The following DPP10 variants were observed in gnomAD, a reference collection of about 807,000 sequenced individuals.
DPP10 encodes the protein inactive dipeptidyl peptidase 10.
DPP10 carries 33 observed loss-of-function variants against 120.9 expected under a neutral mutation model. That is an observed-to-expected ratio of 0.27 (90% CI 0.21 to 0.37). The LOEUF is 0.37. Among genes scored for constraint, DPP10 ranks in the 10% least tolerant of loss-of-function variants. DPP10 has a pLI of 1.00. For missense variants in DPP10, 816 were observed against 942.8 expected (o/e 0.87, Z 1.76); for synonymous variants, 337 against 326.1 (o/e 1.03, Z -0.36).
chr2:115,768,838 T>A lies in DPP10; in HGVS notation c.1221+434T>A, dbSNP rs575222888. On this transcript the variant is annotated intron_variant, in intron 13 of 25. Coordinates refer to ENST00000410059, the MANE Select transcript of DPP10 (RefSeq NM_020868.6). ...ATCAAAAATTGATGGTTGAATAAAT[T>A]ATGGCACATCCCCACAAGCAAATAC... 2.0e-5 allele frequency among the ~76,000 whole-genome samples: 3 copies of A among 152,154 alleles called. No homozygotes were observed. In the South Asian group the frequency reaches 6.2e-4, roughly 32 times the overall value.
At chr2:114,849,031 G>A (rs1036633566) in intron 1 of DPP10, among the ~76,000 whole-genome samples, 1 of 152,160 alleles carries the variant, frequency 6.6e-6, no homozygotes, top group African/African-American at 2.4e-5. Flanking sequence ...CCATTCATGA[G>A]AGCACTGCAA....
chr2:114,551,436 G>A (rs549861951), intron 1 of DPP10, among the ~76,000 whole-genome samples: 19 of 152,176 alleles, frequency 1.2e-4, no homozygotes, highest in Non-Finnish European at 2.6e-4. Flanking sequence ...AGAATGACAC[G>A]TGTTCTCCAA....
At chr2:115,428,377 G>A (rs2070672671) in intron 3 of DPP10, among the ~76,000 whole-genome samples, 1 of 152,098 alleles carries the variant, frequency 6.6e-6, no homozygotes, top group Non-Finnish European at 1.5e-5. Context: ...AAATACCTTA[G>A]ACCGAGTAAT....
chr2:115,566,141 G>A (rs1550985), intron 5 of DPP10, among the ~76,000 whole-genome samples: 54,405 of 151,962 alleles, frequency 0.36, 10,207 homozygotes, highest in African/African-American at 0.44. Flanking sequence ...GTTTTTCAAT[G>A]TGCAACAAAC....
In DPP10 at chr2:114,954,940, A is replaced by G. The variant is rs1471523208; in HGVS notation, c.61-354299A>G. On this transcript the variant is annotated intron_variant, in intron 1 of 25. Transcript: ENST00000410059. ...AGAAATAGAAAATCTGAACAAACCC[A>G]TAGCAAGGAGGTTGAATAAATAATA... 3.9e-5 allele frequency among the ~76,000 whole-genome samples: 6 copies of G among 152,202 alleles called. No individual in the cohort carries two copies. The East Asian group carries it at 9.6e-4, about 24-fold the overall frequency.
At chr2:115,120,360 G>A (rs1449127506) in intron 1 of DPP10, among the ~76,000 whole-genome samples, 1 of 152,130 alleles carries the variant, frequency 6.6e-6, no homozygotes, top group Non-Finnish European at 1.5e-5. Flanking sequence ...AAGATGTCAG[G>A]GATACATAGG....
chr2:115,800,434 G>A (rs1444932493), intron 19 of DPP10, among the ~76,000 whole-genome samples: 2 of 152,126 alleles, frequency 1.3e-5, no homozygotes, highest in East Asian at 3.8e-4. Flanking sequence ...AAACTCTTTA[G>A]TTTAATTAGA....
At chr2:114,763,090 A>T (rs976766924) in intron 1 of DPP10, among the ~76,000 whole-genome samples, 3 of 152,300 alleles carry the variant, frequency 2.0e-5, no homozygotes, top group Admixed American at 6.5e-5. Flanking sequence ...TTAAAAAAAG[A>T]TCAGCAAATA....
chr2:114,481,481 G>A (rs549131179), intron 1 of DPP10, among the ~76,000 whole-genome samples: 1 of 151,990 alleles, frequency 6.6e-6, no homozygotes, highest in South Asian at 2.1e-4. Context: ...ATGTTAAGAG[G>A]TACAGCCACC....
intron 1 of DPP10, among the ~76,000 whole-genome samples, chr2:114,968,400 AT>A (rs907355487): frequency 6.6e-6 from 1 of 152,138 alleles, no homozygotes; most frequent in Non-Finnish European, 1.5e-5. Flanking sequence ...TATATTATTA[AT>A]TTTTACATGT....
chr2:114,925,016 C>T (rs1245106249), intron 1 of DPP10, among the ~76,000 whole-genome samples: 4 of 152,032 alleles, frequency 2.6e-5, no homozygotes, highest in Non-Finnish European at 1.5e-5. Context: ...TTGAGACCAG[C>T]CTGGCTAACA....
In DPP10 at chr2:114,799,218, A is replaced by G. The variant is rs191530880; in HGVS notation, c.60+356380A>G. ...GGGTTGCAGTTCATTTGAGGATTGCATTATCTCTCCTTCCTAAAGTTCAAT... is the reference window on the plus strand; with the variant it reads ...GGGTTGCAGTTCATTTGAGGATTGCGTTATCTCTCCTTCCTAAAGTTCAAT... On this transcript the variant is annotated intron_variant, in intron 1 of 25. Transcript: ENST00000410059. 3.2e-4 allele frequency among the ~76,000 whole-genome samples: 48 copies of G among 152,322 alleles called. 1 individual carries two copies. Among genetic ancestry groups the G allele is most frequent in the Admixed American group, 1.2e-3 (19 of 15,306 alleles).
At chr2:114,595,860 A>T (rs1367472563) in intron 1 of DPP10, among the ~76,000 whole-genome samples, 1 of 152,142 alleles carries the variant, frequency 6.6e-6, no homozygotes, top group Non-Finnish European at 1.5e-5. Context: ...AATGTCCTCA[A>T]CACAATCCTG....
chr2:115,814,463 A>G (rs1042215889), intron 19 of DPP10, among the ~76,000 whole-genome samples: 9 of 152,176 alleles, frequency 5.9e-5, no homozygotes, highest in African/African-American at 1.4e-4. Context: ...TACCAACTTG[A>G]CAGTCATTCT....
intron 1 of DPP10, among the ~76,000 whole-genome samples, chr2:114,564,931 T>C (rs1689083244): frequency 6.6e-6 from 1 of 152,226 alleles, no homozygotes; most frequent in South Asian, 2.1e-4. Flanking sequence ...TTGTCTCCTT[T>C]CATCCATTAA....
At chr2:115,060,056 T>A (rs1173159445) in intron 1 of DPP10, among the ~76,000 whole-genome samples, 1 of 152,008 alleles carries the variant, frequency 6.6e-6, no homozygotes, top group Non-Finnish European at 1.5e-5. Context: ...TAAAGCTCCC[T>A]CTCTCACTAT....
At chr2:114,881,578 A>ATCTG (rs746459323) in intron 1 of DPP10, among the ~76,000 whole-genome samples, 211 of 99,156 alleles carry the variant, frequency 2.1e-3, no homozygotes, top group African/African-American at 6.2e-3. Flanking sequence ...CTATCTATCT[A>ATCTG]TCTGTCTGTC....
chr2:115,691,331 A>T (rs919084195), intron 7 of DPP10, among the ~76,000 whole-genome samples: 3 of 152,010 alleles, frequency 2.0e-5, no homozygotes, highest in African/African-American at 7.2e-5. Flanking sequence ...CTTCTCTAGA[A>T]TTTTTCAAGT....
At chr2:115,690,028 T>G in intron 7 of DPP10, 107 bp downstream of exon 7, 1 of 1,041,486 alleles carries the variant, frequency 9.6e-7, no homozygotes. Flanking sequence ...TACAAAACTT[T>G]ATGTTTCCCT....
Sources: allele counts gnomAD v4.1 joint callset (sites outside exome capture counted in the v4.1 genomes callset), GRCh38; gene constraint gnomAD v4.1.1; transcripts MANE v1.5; gene names NCBI Gene and HGNC (gene_info 2026-07-23, HGNC 2026-07-21).